Variants in PRIMA1 observed in about 807,000 individuals in gnomAD.
The protein encoded by PRIMA1 is proline rich membrane anchor 1, also known as proline-rich membrane anchor 1.
In PRIMA1, 7 loss-of-function variants were observed where a neutral mutation model predicts 17.5. The ratio of observed to expected loss-of-function variants is 0.40; its 90% CI spans 0.23 to 0.75. The LOEUF (loss-of-function observed/expected upper bound fraction) is 0.75. Ranked by LOEUF, PRIMA1 falls within the 30% of genes least tolerant of loss-of-function variation. PRIMA1 has a pLI of 0.37. For missense variants in PRIMA1, 200 were observed against 201.8 expected (o/e 0.99, Z 0.05); for synonymous variants, 97 against 77.9 (o/e 1.25, Z -1.29).
At chr14:93,782,283 A>ATACATACATAC (rs1566979282) in intron 2 of PRIMA1, among the ~76,000 whole-genome samples, 58 of 151,104 alleles carry the variant, frequency 3.8e-4, no homozygotes, top group African/African-American at 1.0e-3. Flanking sequence ...TAAATAAATA[A>ATACATACATAC]ATAAATAAAT....
intron 4 of PRIMA1, among the ~76,000 whole-genome samples, chr14:93,729,835 C>T (rs1566963703): frequency 6.6e-6 from 1 of 151,530 alleles, no homozygotes; most frequent in East Asian, 1.9e-4. Flanking sequence ...GAGAGGGGAC[C>T]GCTGAGTCAG....
chr14:93,722,710 G>T (rs1047010231), intron 4 of PRIMA1, among the ~76,000 whole-genome samples: 1 of 151,774 alleles, frequency 6.6e-6, no homozygotes, highest in African/African-American at 2.4e-5. Context: ...GATAGTGGTG[G>T]TTAGCGTAAT....
chr14:93,740,884 G>A (rs1488889651), intron 3 of PRIMA1, among the ~76,000 whole-genome samples: 1 of 152,168 alleles, frequency 6.6e-6, no homozygotes, highest in African/African-American at 2.4e-5. Flanking sequence ...AGCCTCATAG[G>A]GAATTTGGCA....
At chr14:93,732,592 C>T (rs1444249734) in intron 4 of PRIMA1, among the ~76,000 whole-genome samples, 1 of 152,230 alleles carries the variant, frequency 6.6e-6, no homozygotes, top group Admixed American at 6.5e-5. Flanking sequence ...CCGGTGGTGC[C>T]CACTCCTGTA....
chr14:93,762,584 C>T (rs994799010), intron 3 of PRIMA1, among the ~76,000 whole-genome samples: 1 of 152,104 alleles, frequency 6.6e-6, no homozygotes. Context: ...GCCACCTGGT[C>T]CCGGTGGCTG....
chr14:93,749,159 T>G (rs367547463), intron 3 of PRIMA1, among the ~76,000 whole-genome samples: 1 of 152,194 alleles, frequency 6.6e-6, no homozygotes, highest in Non-Finnish European at 1.5e-5. Context: ...CCTCCCCAGA[T>G]CTGCCAGGCC....
rs368033944 is a variant in PRIMA1 at position 93,786,830 on chromosome 14, T to C, written c.93+796A>G. 6.6e-4 allele frequency among the ~76,000 whole-genome samples: 101 copies of C among 152,290 alleles called. 1 individual carries two copies. In the South Asian group the frequency reaches 0.018, roughly 27 times the overall value. ...ATGGACCTGGCACTGCACTAAGTAATCCTTACATGCATTTATCTCATCAAG... is the reference window on the plus strand; with the variant it reads ...ATGGACCTGGCACTGCACTAAGTAACCCTTACATGCATTTATCTCATCAAG... On this transcript the variant is annotated intron_variant, in intron 2 of 4. Coordinates refer to ENST00000393140, the MANE Select transcript of PRIMA1 (RefSeq NM_178013.4).
chr14:93,771,394 C>T (rs1340860942), intron 3 of PRIMA1, among the ~76,000 whole-genome samples: 1 of 152,134 alleles, frequency 6.6e-6, no homozygotes, highest in Non-Finnish European at 1.5e-5. Flanking sequence ...ATTCAGCCAC[C>T]ATGTTGTAAG....
intron 3 of PRIMA1, among the ~76,000 whole-genome samples, chr14:93,775,104 C>T (rs1566977213): frequency 1.3e-5 from 2 of 152,212 alleles, no homozygotes; most frequent in Non-Finnish European, 2.9e-5. Context: ...AGGGTTGGAC[C>T]TAGAACAGGT....
chr14:93,759,640 A>T (rs1222397567), intron 3 of PRIMA1, among the ~76,000 whole-genome samples: 1 of 152,170 alleles, frequency 6.6e-6, no homozygotes, highest in Non-Finnish European at 1.5e-5. Flanking sequence ...AAGAACACCT[A>T]TGATGAGAAG....
rs1010142445 is a variant in PRIMA1 at position 93,725,091 on chromosome 14, A to G, written c.360-3545T>C. ...CTAAGCAGGAAGTGAGCCTGGCAGG[A>G]GGACCCTGGAAGGCAGGGTGAGGAG... On this transcript the variant is annotated intron_variant, in intron 4 of 4. Coordinates refer to ENST00000393140, the MANE Select transcript of PRIMA1 (RefSeq NM_178013.4). Among the ~76,000 whole-genome samples the G allele has an allele frequency of 2.6e-5, 4 of 151,862 alleles. No individual in the cohort carries two copies. In the East Asian group the frequency reaches 7.7e-4, roughly 29 times the overall value.
At chr14:93,747,276 C>T (rs936325116) in intron 3 of PRIMA1, among the ~76,000 whole-genome samples, 3 of 152,158 alleles carry the variant, frequency 2.0e-5, no homozygotes, top group Non-Finnish European at 2.9e-5. Context: ...GTGTGTCCAC[C>T]GCAGCTGATG....
At chr14:93,772,902 C>T (rs569255761) in intron 3 of PRIMA1, among the ~76,000 whole-genome samples, 1 of 152,330 alleles carries the variant, frequency 6.6e-6, no homozygotes, top group Admixed American at 6.5e-5. Context: ...CTCATTTCTA[C>T]TGCTTGCATT....
upstream of PRIMA1, among the ~76,000 whole-genome samples, chr14:93,788,752 C>A (rs1305376804): frequency 6.6e-6 from 1 of 151,950 alleles, no homozygotes; most frequent in Non-Finnish European, 1.5e-5. Context: ...GCGGGAGGGG[C>A]GGCACCCCGC....
rs756205184 is a variant in PRIMA1 at position 93,779,166 on chromosome 14, C to T, written c.229+10G>A. 3.0e-6 allele frequency: 4 copies of T among 1,318,222 alleles called. No individual in the cohort carries two copies. The highest frequency in any genetic ancestry group is 3.9e-6 in the Non-Finnish European group (4 of 1,027,044). 81.7% of individuals were successfully genotyped at this position (1,318,222 alleles called of 1,614,324 possible). On this transcript the variant is annotated intron_variant, in intron 3 of 4. Coordinates refer to ENST00000393140, the MANE Select transcript of PRIMA1 (RefSeq NM_178013.4). Reference sequence around the variant, plus strand: ...AGAGAAACCCGAAAATGGAGTGAGCCATTACTTACCTGGGGCGGAGAGGAG... The same window carrying T: ...AGAGAAACCCGAAAATGGAGTGAGCTATTACTTACCTGGGGCGGAGAGGAG...
chr14:93,741,123 TG>T (rs2076181905), intron 3 of PRIMA1, among the ~76,000 whole-genome samples: 2 of 152,256 alleles, frequency 1.3e-5, no homozygotes, highest in South Asian at 4.1e-4. Context: ...GGAGGCATTT[TG>T]TGAAACCTAG....
At chr14:93,728,348 G>A (rs1205350828) in intron 4 of PRIMA1, among the ~76,000 whole-genome samples, 3 of 152,232 alleles carry the variant, frequency 2.0e-5, no homozygotes, top group South Asian at 2.1e-4. Flanking sequence ...AATAGCGGGA[G>A]GCCTGGTAGG....
chr14:93,766,198 C>A (rs576327643), intron 3 of PRIMA1, among the ~76,000 whole-genome samples: 1 of 152,160 alleles, frequency 6.6e-6, no homozygotes, highest in Non-Finnish European at 1.5e-5. Flanking sequence ...CATGGTTCAA[C>A]GAAATGAACA....
chr14:93,739,241 G>A (rs989588492), intron 3 of PRIMA1, among the ~76,000 whole-genome samples: 2 of 151,900 alleles, frequency 1.3e-5, no homozygotes, highest in Non-Finnish European at 2.9e-5. Flanking sequence ...TAGTAGAGAC[G>A]GGGTTTCTCC....
Sources: allele counts gnomAD v4.1 joint callset (sites outside exome capture counted in the v4.1 genomes callset), GRCh38; gene constraint gnomAD v4.1.1; transcripts MANE v1.5; gene names NCBI Gene and HGNC (gene_info 2026-07-23, HGNC 2026-07-21).